The following CACNA2D3 variants were observed in gnomAD, a reference collection of about 807,000 sequenced individuals.
The protein encoded by CACNA2D3 is voltage-dependent calcium channel subunit alpha-2/delta-3.
CACNA2D3 carries 60 observed loss-of-function variants against 160.6 expected under a neutral mutation model. The observed-to-expected ratio is 0.37, with a 90% CI of 0.30 to 0.46. The LOEUF (loss-of-function observed/expected upper bound fraction) is 0.46. Among genes scored for constraint, CACNA2D3 ranks in the 20% least tolerant of loss-of-function variants. The probability of loss-of-function intolerance (pLI) is 1.00; values close to 1 mark genes in which losing one functional copy is unlikely to be tolerated. For missense variants in CACNA2D3, 1,205 were observed against 1,365.0 expected, an observed-to-expected ratio of 0.88 and a Z score of 1.85; for synonymous variants, 558 against 492.9, an observed-to-expected ratio of 1.13 and a Z score of -1.75.
intron 27 of CACNA2D3, among the ~76,000 whole-genome samples, chr3:54,953,227 C>A (rs574911120): frequency 6.6e-6 from 1 of 152,170 alleles, no homozygotes; most frequent in Admixed American, 6.5e-5. Flanking sequence ...GTGCATGACT[C>A]CTGTTCCCAT....
intron 31 of CACNA2D3, among the ~76,000 whole-genome samples, chr3:54,993,942 T>G (rs1702799771): frequency 6.7e-6 from 1 of 150,062 alleles, no homozygotes; most frequent in Non-Finnish European, 1.5e-5. Flanking sequence ...TGTGTGGTTT[T>G]GCGTGGTTTT....
In CACNA2D3 at chr3:54,562,535, G is replaced by C. The variant is rs1702342893; in HGVS notation, c.545-265G>C. Among the ~76,000 whole-genome samples, 3 of 152,162 alleles carry C rather than the reference G, an allele frequency of 2.0e-5. No homozygotes were observed. In the South Asian group the frequency reaches 6.2e-4, roughly 32 times the overall value. ...TTTTCTCTATGGGATATGTGATATT[G>C]AAAGGTACAAATAAAAGGAAGTGTC... On this transcript the variant is annotated intron_variant, in intron 5 of 37. Coordinates refer to ENST00000474759, the MANE Select transcript of CACNA2D3 (RefSeq NM_018398.3).
At chr3:54,686,240 A>G (rs112740436) in intron 11 of CACNA2D3, among the ~76,000 whole-genome samples, 8 of 152,326 alleles carry the variant, frequency 5.3e-5, no homozygotes, top group African/African-American at 9.6e-5. Context: ...CTTTTTCACT[A>G]TGTGGCTGAG....
chr3:54,509,291 TTGTGTGTG>T (rs10586548), intron 5 of CACNA2D3, among the ~76,000 whole-genome samples: 5 of 150,962 alleles, frequency 3.3e-5, no homozygotes, highest in Non-Finnish European at 7.4e-5. Flanking sequence ...GTGTGTGTGT[TTGTGTGTG>T]TGTGTGTGTG....
At chr3:54,530,517 C>T (rs1473085878) in intron 5 of CACNA2D3, among the ~76,000 whole-genome samples, 1 of 152,130 alleles carries the variant, frequency 6.6e-6, no homozygotes, top group Non-Finnish European at 1.5e-5. Context: ...CTCACAAGAC[C>T]AGCCCAGACT....
intron 27 of CACNA2D3, among the ~76,000 whole-genome samples, chr3:54,919,162 G>C (rs2106925584): frequency 6.6e-6 from 1 of 152,266 alleles, no homozygotes; most frequent in Non-Finnish European, 1.5e-5. Flanking sequence ...TAAATGCTCA[G>C]AGAAAACAAT....
At chr3:54,550,406 G>A (rs1000384871) in intron 5 of CACNA2D3, among the ~76,000 whole-genome samples, 8 of 152,202 alleles carry the variant, frequency 5.3e-5, no homozygotes, top group South Asian at 2.1e-4. Flanking sequence ...CGAGGGGGCC[G>A]AGCAGCTGGC....
At chr3:55,015,539 A>G (rs114109631) in intron 34 of CACNA2D3, among the ~76,000 whole-genome samples, 1 of 152,310 alleles carries the variant, frequency 6.6e-6, no homozygotes, top group African/African-American at 2.4e-5. Context: ...TCCACTTATA[A>G]CCTAAGCTAT....
At chr3:54,646,148 T>C (rs58092988) in intron 11 of CACNA2D3, among the ~76,000 whole-genome samples, 8,185 of 25,078 alleles carry the variant, frequency 0.33, 1,135 homozygotes, top group Non-Finnish European at 0.47. Flanking sequence ...CCTTCCTTCC[T>C]TCCCTCCCTC....
chr3:54,418,160 C>A (rs1290056640), intron 4 of CACNA2D3, among the ~76,000 whole-genome samples: 1 of 152,100 alleles, frequency 6.6e-6, no homozygotes, highest in African/African-American at 2.4e-5. Context: ...AACCGTAATG[C>A]CTGTTTTACT....
At chr3:54,547,442 T>C (rs978331942) in intron 5 of CACNA2D3, among the ~76,000 whole-genome samples, 3 of 152,128 alleles carry the variant, frequency 2.0e-5, no homozygotes, top group Non-Finnish European at 4.4e-5. Context: ...TGAGATTTGC[T>C]CACAGATGAT....
chr3:54,270,218 A>G (rs959485349), intron 2 of CACNA2D3, among the ~76,000 whole-genome samples: 1 of 152,202 alleles, frequency 6.6e-6, no homozygotes, highest in African/African-American at 2.4e-5. Flanking sequence ...AAAGAGAAAG[A>G]GTTTCTTTTC....
At chr3:54,932,842 G>A (rs1410471103) in intron 27 of CACNA2D3, among the ~76,000 whole-genome samples, 1 of 152,202 alleles carries the variant, frequency 6.6e-6, no homozygotes, top group Non-Finnish European at 1.5e-5. Context: ...AGTGACAGCT[G>A]CAGCCAGGAA....
intron 11 of CACNA2D3, among the ~76,000 whole-genome samples, chr3:54,721,211 G>A (rs192876161): frequency 2.0e-3 from 311 of 151,976 alleles, no homozygotes; most frequent in African/African-American, 6.8e-3. Flanking sequence ...AAGCTCACCC[G>A]TCCTTGGTGC....
At chr3:54,490,354 T>G (rs1300812119) in intron 4 of CACNA2D3, among the ~76,000 whole-genome samples, 2 of 152,088 alleles carry the variant, frequency 1.3e-5, no homozygotes, top group Non-Finnish European at 2.9e-5. Flanking sequence ...TCCCACGCCC[T>G]GGCTCTCCGG....
chr3:54,336,540 C>T (rs1704383475), intron 3 of CACNA2D3, among the ~76,000 whole-genome samples: 1 of 151,994 alleles, frequency 6.6e-6, no homozygotes, highest in Admixed American at 6.5e-5. Context: ...TCATAGCTGT[C>T]TAATAATTTT....
chr3:54,967,606 A>C, intron 27 of CACNA2D3, among the ~76,000 whole-genome samples: 1 of 152,288 alleles, frequency 6.6e-6, no homozygotes, highest in African/African-American at 2.4e-5. Flanking sequence ...TATTCCCTGT[A>C]GTCTCATTCT....
intron 4 of CACNA2D3, among the ~76,000 whole-genome samples, chr3:54,453,139 G>T (rs543042971): frequency 6.8e-4 from 104 of 152,048 alleles, no homozygotes; most frequent in African/African-American, 2.4e-3. Flanking sequence ...CCATAAGTAT[G>T]CACCACCACA....
chr3:54,399,809 A>G (rs1699414184), intron 4 of CACNA2D3, among the ~76,000 whole-genome samples: 1 of 118,072 alleles, frequency 8.5e-6, no homozygotes, highest in East Asian at 2.5e-4. Context: ...GAGCCTACAG[A>G]GGCAGGCAGG....
Sources: allele counts gnomAD v4.1 joint callset (sites outside exome capture counted in the v4.1 genomes callset), GRCh38; gene constraint gnomAD v4.1.1; transcripts MANE v1.5; gene names NCBI Gene and HGNC (gene_info 2026-07-23, HGNC 2026-07-21).